The following CATSPERB variants were observed in gnomAD, a reference collection of about 807,000 sequenced individuals.
CATSPERB encodes catsper channel auxiliary subunit beta.
Under a neutral mutation model 128.3 loss-of-function variants are expected in CATSPERB, and 93 were observed. The observed-to-expected ratio is 0.72, with a 90% CI of 0.61 to 0.86. CATSPERB has a LOEUF of 0.86. Ranked by LOEUF, CATSPERB falls within the 40% of genes least tolerant of loss-of-function variation. The probability of loss-of-function intolerance (pLI) is 0.00; values close to 1 mark genes in which losing one functional copy is unlikely to be tolerated. For missense variants in CATSPERB, 1,153 were observed against 1,329.5 expected (o/e 0.87, Z 2.06); for synonymous variants, 381 against 448.8 (o/e 0.85, Z 1.91).
intron 14 of CATSPERB, among the ~76,000 whole-genome samples, chr14:91,666,635 C>T (rs1236102611): frequency 6.6e-6 from 1 of 152,106 alleles, no homozygotes; most frequent in Non-Finnish European, 1.5e-5. Context: ...GTAGTTGTGG[C>T]GGTGGCCGTC....
chr14:91,677,449 T>C (rs537740211), intron 11 of CATSPERB, among the ~76,000 whole-genome samples: 3 of 152,022 alleles, frequency 2.0e-5, no homozygotes, highest in Middle Eastern at 6.8e-3. Context: ...AAGAAACATA[T>C]GAAAAAAGAG....
intron 15 of CATSPERB, among the ~76,000 whole-genome samples, chr14:91,645,731 T>C (rs905921416): frequency 7.0e-6 from 1 of 143,590 alleles, no homozygotes; most frequent in African/African-American, 2.6e-5. Context: ...TGTGGTGGGC[T>C]CCACCCAGTT....
intron 22 of CATSPERB, among the ~76,000 whole-genome samples, chr14:91,598,117 T>A (rs912884603): frequency 6.6e-6 from 1 of 151,904 alleles, no homozygotes; most frequent in Non-Finnish European, 1.5e-5. Flanking sequence ...ATTTTAGGAC[T>A]AAATTTACCA....
intron 22 of CATSPERB, among the ~76,000 whole-genome samples, chr14:91,601,521 A>T (rs1331883449): frequency 6.6e-6 from 1 of 152,152 alleles, no homozygotes; most frequent in Non-Finnish European, 1.5e-5. Flanking sequence ...TTTGTAGGAA[A>T]TTGTTTACGA....
chr14:91,626,124 CA>C (rs1894155646), intron 17 of CATSPERB, among the ~76,000 whole-genome samples: 1 of 151,412 alleles, frequency 6.6e-6, no homozygotes, highest in African/African-American at 2.4e-5. Context: ...GACCCTGTCT[CA>C]AAAAAGAAAA....
chr14:91,701,652 G>C (rs1181579870), intron 7 of CATSPERB, among the ~76,000 whole-genome samples: 11 of 152,220 alleles, frequency 7.2e-5, no homozygotes, highest in African/African-American at 2.4e-4. Context: ...GGAGGAAAGG[G>C]GGTAATAAGT....
chr14:91,724,588 T>G lies in CATSPERB; in HGVS notation c.168+492A>C, dbSNP rs192281285. On this transcript the variant is annotated intron_variant, in intron 3 of 26. Transcript: ENST00000256343. ...AATGTATATTTTTGTTAGTATTTGC[T>G]GCATGATCTTGATAGCATGCTTTAT... Among the ~76,000 whole-genome samples, 35 of 152,336 alleles carry G rather than the reference T, an allele frequency of 2.3e-4. 1 individual carries two copies. In the East Asian group the frequency reaches 6.6e-3, roughly 29 times the overall value.
intron 5 of CATSPERB, chr14:91,710,013 C>A (rs1418486941): frequency 1.3e-5 from 2 of 153,798 alleles, no homozygotes; most frequent in Non-Finnish European, 2.9e-5. Context: ...ATATAGTGAA[C>A]AATGTATATG....
intron 10 of CATSPERB, among the ~76,000 whole-genome samples, chr14:91,689,804 A>T (rs1430419337): frequency 6.6e-6 from 1 of 152,124 alleles, no homozygotes; most frequent in South Asian, 2.1e-4. Context: ...AATTCTTAAC[A>T]TATATGCTGA....
At chr14:91,611,813 T>C (rs972942028) in intron 20 of CATSPERB, among the ~76,000 whole-genome samples, 3 of 152,242 alleles carry the variant, frequency 2.0e-5, no homozygotes, top group African/African-American at 7.2e-5. Flanking sequence ...ATCATTTTAC[T>C]ACATATATGT....
At chr14:91,628,824 C>T (rs891600937) in intron 17 of CATSPERB, among the ~76,000 whole-genome samples, 1 of 152,138 alleles carries the variant, frequency 6.6e-6, no homozygotes, top group Non-Finnish European at 1.5e-5. Context: ...CAATGAGATA[C>T]CACCACATGA....
chr14:91,658,205 A>C (rs1414490053), intron 15 of CATSPERB, among the ~76,000 whole-genome samples: 2 of 152,336 alleles, frequency 1.3e-5, no homozygotes, highest in Non-Finnish European at 1.5e-5. Context: ...TTCAGCCATA[A>C]AAAGAATGAG....
intron 15 of CATSPERB, among the ~76,000 whole-genome samples, chr14:91,653,370 G>A (rs1894739828): frequency 6.6e-6 from 1 of 152,154 alleles, no homozygotes; most frequent in African/African-American, 2.4e-5. Flanking sequence ...GCAATATTGA[G>A]AGAAGGAAGG....
chr14:91,612,019 T>TCTTTCTTTCTTC (rs1491142064), intron 20 of CATSPERB, among the ~76,000 whole-genome samples: 5 of 70,406 alleles, frequency 7.1e-5, no homozygotes, highest in African/African-American at 2.1e-4. Context: ...CTGTTTTCTT[T>TCTTTCTTTCTTC]CTTTCTTTCT....
chr14:91,621,169 A>G (rs554865005), intron 19 of CATSPERB, among the ~76,000 whole-genome samples: 106 of 152,326 alleles, frequency 7.0e-4, no homozygotes, highest in African/African-American at 2.5e-3. Context: ...TGGGAGGCTG[A>G]GGCAGGTGAA....
At chr14:91,592,299 C>A in intron 22 of CATSPERB, 1 of 384,284 alleles carries the variant, frequency 2.6e-6, no homozygotes. Flanking sequence ...CCCAGGACTA[C>A]CAAACTAACT....
chr14:91,581,076 G>A lies in CATSPERB; in HGVS notation c.3164C>T (p.Pro1055Leu), dbSNP rs556700570. The A allele has an allele frequency of 4.3e-6, 7 of 1,614,152 alleles. No homozygotes were observed. The South Asian group carries it at 5.5e-5, about 13-fold the overall frequency. ...IYVDEAPLPF[P>L]GHTLIAVATA... ...TGCCACGGCAATAAGCGTGTGTCCT[G>A]GGAATGGCAATGGTGCCTCATCAAC... The change falls in exon 27 of 27, where the codon CCA becomes CTA. Residue 1055 changes from proline to leucine, a missense_variant. By Grantham distance (98) the Pro-to-Leu change is moderately conservative. Coordinates refer to ENST00000256343, the MANE Select transcript of CATSPERB (RefSeq NM_024764.4).
At chr14:91,700,530 T>C (rs537857643) in intron 7 of CATSPERB, among the ~76,000 whole-genome samples, 1 of 152,274 alleles carries the variant, frequency 6.6e-6, no homozygotes, top group South Asian at 2.1e-4. Context: ...TGTGAATTCA[T>C]CTGGTCCAGG....
intron 22 of CATSPERB, among the ~76,000 whole-genome samples, chr14:91,602,544 G>T (rs150776354): frequency 1.3e-5 from 2 of 152,084 alleles, no homozygotes; most frequent in Admixed American, 1.3e-4. Flanking sequence ...AGAGATGGCA[G>T]AAGGGTTTAG....
Sources: gnomAD v4.1 joint callset for allele counts (sites outside exome capture counted in the v4.1 genomes callset) on GRCh38, gnomAD v4.1.1 for gene constraint, MANE v1.5 for transcripts, NCBI Gene and HGNC (gene_info 2026-07-23, HGNC 2026-07-21) for gene names.